The following NWD2 variants were observed in gnomAD, a reference collection of about 807,000 sequenced individuals.
NWD2 encodes NACHT and WD repeat domain containing 2.
In NWD2, 37 loss-of-function variants were observed where a neutral mutation model predicts 132.7. The observed-to-expected ratio is 0.28, with a 90% CI of 0.21 to 0.37. NWD2 has a LOEUF of 0.37. NWD2 is among the 10% of genes least tolerant of loss of function. The probability of loss-of-function intolerance (pLI) is 1.00; values close to 1 mark genes in which losing one functional copy is unlikely to be tolerated. For missense variants in NWD2, 1,592 were observed against 2,122.4 expected, an observed-to-expected ratio of 0.75 and a Z score of 4.91; for synonymous variants, 705 against 803.0, an observed-to-expected ratio of 0.88 and a Z score of 2.06.
chr4:37,350,701 C>T (rs1411540130), intron 2 of NWD2, among the ~76,000 whole-genome samples: 5 of 152,076 alleles, frequency 3.3e-5, no homozygotes, highest in African/African-American at 1.2e-4. Context: ...ATTGCCCTGG[C>T]CAGAACTTCA....
At chr4:37,422,394 C>A (rs529336395) in intron 3 of NWD2, among the ~76,000 whole-genome samples, 2 of 152,258 alleles carry the variant, frequency 1.3e-5, no homozygotes, top group African/African-American at 4.8e-5. Flanking sequence ...TTTTTCTCCA[C>A]CCCTGGAACA....
chr4:37,397,788 CCT>C (rs113226816), intron 3 of NWD2, among the ~76,000 whole-genome samples: 782 of 146,738 alleles, frequency 5.3e-3, no homozygotes, highest in Middle Eastern at 0.011. Context: ...CTGGGAACAG[CCT>C]CTCTCTCTCT....
chr4:37,374,393 C>T (rs1341740815), intron 3 of NWD2, among the ~76,000 whole-genome samples: 2 of 152,108 alleles, frequency 1.3e-5, no homozygotes, highest in African/African-American at 2.4e-5. Flanking sequence ...TACTTAGCCT[C>T]GGGTATTCAT....
At chr4:37,385,580 G>A (rs769579016) in intron 3 of NWD2, among the ~76,000 whole-genome samples, 2 of 152,142 alleles carry the variant, frequency 1.3e-5, no homozygotes, top group Non-Finnish European at 2.9e-5. Context: ...GATTGAATAG[G>A]GGTGAAAAAC....
intron 1 of NWD2, among the ~76,000 whole-genome samples, chr4:37,322,371 C>G (rs139163076): frequency 6.6e-6 from 1 of 152,246 alleles, no homozygotes; most frequent in African/African-American, 2.4e-5. Context: ...GGCATTAAAG[C>G]TGCGAGTTGA....
chr4:37,366,937 C>T (rs1196908664), intron 3 of NWD2, among the ~76,000 whole-genome samples: 8 of 152,006 alleles, frequency 5.3e-5, no homozygotes, highest in Non-Finnish European at 1.2e-4. Flanking sequence ...AAAACAAATC[C>T]GTAAGTATGT....
chr4:37,345,023 C>T (rs1311534500), intron 2 of NWD2, among the ~76,000 whole-genome samples: 5 of 152,136 alleles, frequency 3.3e-5, no homozygotes, highest in Admixed American at 3.3e-4. Context: ...AAGGTTCATC[C>T]ATGTGGTAAC....
At chr4:37,276,072 T>G (rs1180931694) in intron 1 of NWD2, among the ~76,000 whole-genome samples, 2 of 151,984 alleles carry the variant, frequency 1.3e-5, no homozygotes, top group Non-Finnish European at 2.9e-5. Context: ...CCAAAAGCAA[T>G]GGCAACAAAA....
At chr4:37,398,891 A>G (rs1174608528) in intron 3 of NWD2, among the ~76,000 whole-genome samples, 5 of 152,198 alleles carry the variant, frequency 3.3e-5, no homozygotes, top group African/African-American at 2.4e-5. Context: ...GGGAGAAACA[A>G]CTATATCAGA....
At chr4:37,329,936 C>G (rs1380118974) in intron 2 of NWD2, among the ~76,000 whole-genome samples, 3 of 152,180 alleles carry the variant, frequency 2.0e-5, no homozygotes, top group Admixed American at 2.0e-4. Flanking sequence ...CAAATGTTCT[C>G]AGGCCTGGAA....
intron 3 of NWD2, among the ~76,000 whole-genome samples, chr4:37,366,185 G>A (rs1175999770): frequency 1.3e-5 from 2 of 152,112 alleles, no homozygotes; most frequent in South Asian, 2.1e-4. Context: ...GGATGGAAAG[G>A]CAGAATAAAG....
chr4:37,391,832 G>A (rs1249618691), intron 3 of NWD2, among the ~76,000 whole-genome samples: 9 of 152,052 alleles, frequency 5.9e-5, no homozygotes, highest in Non-Finnish European at 8.8e-5. Flanking sequence ...ATAAAAGGCT[G>A]TTACCAAATT....
intron 3 of NWD2, among the ~76,000 whole-genome samples, chr4:37,359,977 A>G (rs1195502717): frequency 2.0e-5 from 3 of 152,212 alleles, no homozygotes. Context: ...CTTACTGAGA[A>G]GAACAACATT....
At chr4:37,354,537 C>T (rs1201538346) in intron 2 of NWD2, among the ~76,000 whole-genome samples, 1 of 152,172 alleles carries the variant, frequency 6.6e-6, no homozygotes, top group Non-Finnish European at 1.5e-5. Context: ...TCAGAGATGC[C>T]CTGCCCAGAG....
intron 2 of NWD2, among the ~76,000 whole-genome samples, chr4:37,339,929 G>A (rs1483166009): frequency 2.7e-5 from 4 of 150,908 alleles, no homozygotes; most frequent in Admixed American, 6.6e-5. Context: ...TAGAACAAGC[G>A]GTATTTGAAT....
chr4:37,351,617 C>A (rs72501301), intron 2 of NWD2, among the ~76,000 whole-genome samples: 1 of 151,926 alleles, frequency 6.6e-6, no homozygotes, highest in East Asian at 1.9e-4. Flanking sequence ...TTAATCTTTT[C>A]AAAAAAACAG....
At position 37,385,172 on chromosome 4, in the gene NWD2, A is replaced by G. The variant is rs186021826; in HGVS notation, c.357+28690A>G. The stretch of plus-strand genomic sequence containing the variant: ...GATCCCAGCTGACCCTAGAGCCCCA[A>G]CTGCCTTGACTGCAGGAAAAGCCTC... On this transcript the variant is annotated intron_variant, in intron 3 of 6. Coordinates refer to ENST00000309447, the MANE Select transcript of NWD2 (RefSeq NM_001144990.2). 5.3e-4 allele frequency among the ~76,000 whole-genome samples: 80 copies of G among 152,220 alleles called. No homozygotes were observed. The Middle Eastern group carries it at 0.017, about 32-fold the overall frequency.
chr4:37,374,531 G>T (rs1008110613), intron 3 of NWD2, among the ~76,000 whole-genome samples: 5 of 152,160 alleles, frequency 3.3e-5, no homozygotes, highest in Non-Finnish European at 7.3e-5. Flanking sequence ...TTCTTGGTAT[G>T]CAGAAAGATA....
intron 1 of NWD2, among the ~76,000 whole-genome samples, chr4:37,296,965 C>T (rs993066163): frequency 1.3e-5 from 2 of 152,256 alleles, no homozygotes; most frequent in Non-Finnish European, 2.9e-5. Flanking sequence ...AACTTAAGTT[C>T]TGCAAATAAT....
Sources: allele counts gnomAD v4.1 joint callset (sites outside exome capture counted in the v4.1 genomes callset), GRCh38; gene constraint gnomAD v4.1.1; transcripts MANE v1.5; gene names NCBI Gene and HGNC (gene_info 2026-07-23, HGNC 2026-07-21).